GLRB: variants seen among roughly 807,000 people sequenced by gnomAD.
GLRB encodes the protein glycine receptor beta.
A neutral mutation model predicts 54.2 loss-of-function variants in GLRB; 33 were observed. The observed-to-expected ratio is 0.61, with a 90% CI of 0.46 to 0.81. GLRB has a LOEUF of 0.81. GLRB is among the 40% of genes least tolerant of loss of function. The probability of loss-of-function intolerance (pLI) is 0.00; values close to 1 mark genes in which losing one functional copy is unlikely to be tolerated. For synonymous variants in GLRB, 209 were observed against 208.2 expected, an observed-to-expected ratio of 1.00 and a Z score of -0.03; for missense variants, 572 against 584.6, an observed-to-expected ratio of 0.98 and a Z score of 0.22.
At chr4:157,114,381 T>C (rs2126514706) in intron 2 of GLRB, among the ~76,000 whole-genome samples, 1 of 151,756 alleles carries the variant, frequency 6.6e-6, no homozygotes, top group South Asian at 2.1e-4. Context: ...TTAGAATAGC[T>C]TTATAGAGTT....
At chr4:157,138,318 C>T (rs1736482652) in intron 6 of GLRB, among the ~76,000 whole-genome samples, 1 of 152,166 alleles carries the variant, frequency 6.6e-6, no homozygotes. Context: ...TCGTGATCCA[C>T]CCGCCTTGGC....
chr4:157,101,953 G>A (rs1030344835), intron 2 of GLRB, among the ~76,000 whole-genome samples: 2 of 152,100 alleles, frequency 1.3e-5, no homozygotes, highest in African/African-American at 4.8e-5. Flanking sequence ...ATCGTGTCAT[G>A]TGCCAGATTC....
intron 7 of GLRB, among the ~76,000 whole-genome samples, chr4:157,141,724 A>G (rs532146875): frequency 6.6e-6 from 1 of 152,128 alleles, no homozygotes; most frequent in African/African-American, 2.4e-5. Flanking sequence ...AGATCAAGAA[A>G]TGTTTCTCAT....
At chr4:157,094,980 A>G (rs1283476082) in intron 2 of GLRB, among the ~76,000 whole-genome samples, 1 of 152,204 alleles carries the variant, frequency 6.6e-6, no homozygotes, top group African/African-American at 2.4e-5. Flanking sequence ...TGCTTTATTG[A>G]TTCAAAAGAG....
intron 4 of GLRB, among the ~76,000 whole-genome samples, chr4:157,127,932 G>C (rs1736073737): frequency 6.6e-6 from 1 of 151,858 alleles, no homozygotes; most frequent in Admixed American, 6.6e-5. Context: ...TGGTAATTTT[G>C]TTACAGTGGC....
intron 9 of GLRB, among the ~76,000 whole-genome samples, chr4:157,155,476 A>T (rs1222686906): frequency 6.6e-6 from 1 of 151,962 alleles, no homozygotes; most frequent in Admixed American, 6.6e-5. Flanking sequence ...CAGGTGACAC[A>T]TTTTTTTCAC....
chr4:157,129,216 C>A (rs1326436569), intron 4 of GLRB, among the ~76,000 whole-genome samples: 1 of 151,646 alleles, frequency 6.6e-6, no homozygotes, highest in Non-Finnish European at 1.5e-5. Context: ...GTATTTGTCA[C>A]CAGTGCTTTA....
intron 4 of GLRB, 22 bp from the exon 5 acceptor site, chr4:157,136,447 C>A (rs544399532): frequency 2.4e-6 from 3 of 1,255,146 alleles, no homozygotes; most frequent in African/African-American, 2.9e-5. Flanking sequence ...TACACATGTG[C>A]ACGCATGTAC....
rs895024248 is a variant in GLRB, at chr4:157,079,897, G to A, written c.122+1751G>A. Among the ~76,000 whole-genome samples, 8 of 152,228 alleles carry A rather than the reference G, an allele frequency of 5.3e-5. No individual in the cohort carries two copies. The East Asian group carries it at 7.7e-4, about 15-fold the overall frequency. ...CTGTTGTCTATGTCATATAGTCACC[G>A]TAATTCTATGTATGGAATCAAGCCA... On this transcript the variant is annotated intron_variant, in intron 2 of 9. Coordinates refer to ENST00000264428, the MANE Select transcript of GLRB (RefSeq NM_000824.5).
chr4:157,098,299 A>C (rs1039588005), intron 2 of GLRB, among the ~76,000 whole-genome samples: 1 of 152,106 alleles, frequency 6.6e-6, no homozygotes, highest in African/African-American at 2.4e-5. Flanking sequence ...TACTATATTT[A>C]TCGATTTTAC....
At chr4:157,104,886 G>A (rs1735164737) in intron 2 of GLRB, among the ~76,000 whole-genome samples, 2 of 151,804 alleles carry the variant, frequency 1.3e-5, no homozygotes, top group Non-Finnish European at 2.9e-5. Flanking sequence ...TGTTTCTGTG[G>A]CATCAGTTGT....
intron 9 of GLRB, among the ~76,000 whole-genome samples, chr4:157,157,457 A>G (rs952943277): frequency 6.6e-6 from 1 of 152,148 alleles, no homozygotes; most frequent in Non-Finnish European, 1.5e-5. Context: ...CATCATTTAC[A>G]TTAGGTAGAT....
chr4:157,123,527 T>C (rs1735907831), intron 4 of GLRB, among the ~76,000 whole-genome samples: 2 of 151,416 alleles, frequency 1.3e-5, no homozygotes, highest in African/African-American at 4.8e-5. Context: ...CTTAAAAGAT[T>C]TGGGGATTAT....
At position 157,078,001 on chromosome 4, in the gene GLRB, T is replaced by A; in HGVS notation, c.-24T>A. The A allele has an allele frequency of 6.3e-7, 1 of 1,590,964 alleles. No individual in the cohort carries two copies. Among genetic ancestry groups the A allele is most frequent in the Non-Finnish European group, 8.6e-7 (1 of 1,160,514 alleles). On this transcript the variant is annotated 5_prime_UTR_variant, in exon 2 of 10. Transcript: ENST00000264428. ...TTTCTTGTTCTCTCTTGTAGATCGA[T>A]CTTCTGAAATTCAAGTTTTCAAGAT...
At chr4:157,160,540 C>T (rs986639504) in intron 9 of GLRB, among the ~76,000 whole-genome samples, 31 of 151,950 alleles carry the variant, frequency 2.0e-4, no homozygotes, top group African/African-American at 7.0e-4. Flanking sequence ...TGTCTTTGTT[C>T]TCGTTGGTTT....
intron 9 of GLRB, among the ~76,000 whole-genome samples, chr4:157,166,287 C>A (rs2126631252): frequency 6.6e-6 from 1 of 152,016 alleles, no homozygotes; most frequent in South Asian, 2.1e-4. Flanking sequence ...TTAATATAGC[C>A]AAATTCGCTT....
Position 157,170,591 on chromosome 4 carries a change from G to T in GLRB, c.1357G>T (p.Ala453Ser), listed in dbSNP as rs780011965. The change falls in exon 10 of 10, where the codon GCT becomes TCT. Residue 453 changes from alanine to serine, a missense_variant. Transcript: ENST00000264428. ...EVNNGLGKSQ[A>S]KNNKKPPPAK... is the part of the protein sequence containing the mutation. ...TAACAACGGACTTGGGAAATCTCAG[G>T]CTAAGAACAACAAGAAGCCTCCCCC... is the stretch of plus-strand genomic sequence containing the variant. 6.2e-7 allele frequency: 1 copy of T among 1,613,512 alleles called. No individual in the cohort carries two copies. Among genetic ancestry groups the T allele is most frequent in the Non-Finnish European group, 8.5e-7 (1 of 1,179,596 alleles).
At chr4:157,130,589 G>A (rs1736178774) in intron 4 of GLRB, among the ~76,000 whole-genome samples, 2 of 151,314 alleles carry the variant, frequency 1.3e-5, no homozygotes, top group Admixed American at 1.3e-4. Context: ...CTTTTTTATG[G>A]CCAAATAATA....
At chr4:157,143,694 C>T (rs1327602940) in intron 7 of GLRB, 113 bp from the exon 8 acceptor site, 1 of 1,043,720 alleles carries the variant, frequency 9.6e-7, no homozygotes, top group Non-Finnish European at 1.4e-6. Flanking sequence ...GAGGCATTTC[C>T]TCTGTGAAAT....
Sources: gnomAD v4.1 joint callset for allele counts (sites outside exome capture counted in the v4.1 genomes callset) on GRCh38, gnomAD v4.1.1 for gene constraint, MANE v1.5 for transcripts, NCBI Gene and HGNC (gene_info 2026-07-23, HGNC 2026-07-21) for gene names.